Variants in RAPGEF2 observed in about 807,000 individuals in gnomAD.
RAPGEF2 encodes PDZ domain containing guanine nucleotide exchange factor (GEF) 1.
Under a neutral mutation model 186.7 loss-of-function variants are expected in RAPGEF2, and 54 were observed. The observed-to-expected ratio is 0.29, with a 90% CI of 0.23 to 0.36. The LOEUF is 0.36. RAPGEF2 is among the 10% of genes least tolerant of loss of function. RAPGEF2 has a pLI of 1.00. For synonymous variants in RAPGEF2, 712 were observed against 705.9 expected (o/e 1.01, Z -0.14); for missense variants, 1,532 against 2,045.0 (o/e 0.75, Z 4.84).
intron 3 of RAPGEF2, among the ~76,000 whole-genome samples, chr4:159,209,081 G>A (rs1157233261): frequency 2.0e-5 from 3 of 151,346 alleles, no homozygotes; most frequent in African/African-American, 4.9e-5. Context: ...TAGTAGAGAC[G>A]GGGTTTCACC....
At chr4:159,285,222 C>A (rs1760299048) in intron 7 of RAPGEF2, among the ~76,000 whole-genome samples, 1 of 151,988 alleles carries the variant, frequency 6.6e-6, no homozygotes, top group South Asian at 2.1e-4. Flanking sequence ...TTATAAGCAC[C>A]AGAGAATCAC....
chr4:159,286,644 C>T (rs1166356044), intron 7 of RAPGEF2, among the ~76,000 whole-genome samples: 1 of 152,152 alleles, frequency 6.6e-6, no homozygotes, highest in Non-Finnish European at 1.5e-5. Context: ...CACTCTGCTT[C>T]CATTGCTTTG....
At chr4:159,265,889 A>G (rs1183992369) in intron 7 of RAPGEF2, among the ~76,000 whole-genome samples, 1 of 152,232 alleles carries the variant, frequency 6.6e-6, no homozygotes, top group Non-Finnish European at 1.5e-5. Context: ...TGGATTGATC[A>G]TGGACAGAGA....
intron 7 of RAPGEF2, among the ~76,000 whole-genome samples, chr4:159,288,639 T>C (rs1760800578): frequency 6.6e-6 from 1 of 152,160 alleles, no homozygotes; most frequent in South Asian, 2.1e-4. Context: ...AGCCTACTTT[T>C]TGGTAGGCTT....
chr4:159,348,418 C>T (rs1730709921), intron 25 of RAPGEF2, among the ~76,000 whole-genome samples: 1 of 152,178 alleles, frequency 6.6e-6, no homozygotes, highest in African/African-American at 2.4e-5. Flanking sequence ...AGACCCCTCA[C>T]GTACTCTGTA....
chr4:159,224,988 G>A (rs1751879865), intron 4 of RAPGEF2, among the ~76,000 whole-genome samples: 1 of 152,158 alleles, frequency 6.6e-6, no homozygotes, highest in South Asian at 2.1e-4. Context: ...ACCAAATCTG[G>A]AGGGAATGAG....
At chr4:159,273,228 C>T (rs1758340449) in intron 7 of RAPGEF2, among the ~76,000 whole-genome samples, 1 of 152,184 alleles carries the variant, frequency 6.6e-6, no homozygotes, top group South Asian at 2.1e-4. Flanking sequence ...TGAGAGGAAG[C>T]ATATCCTGTT....
At chr4:159,216,998 C>T (rs989290178) in intron 4 of RAPGEF2, among the ~76,000 whole-genome samples, 1 of 151,848 alleles carries the variant, frequency 6.6e-6, no homozygotes, top group Admixed American at 6.6e-5. Flanking sequence ...GTTTAAAAAT[C>T]GCAGGCCTAC....
intron 1 of RAPGEF2, among the ~76,000 whole-genome samples, chr4:159,154,118 C>G (rs1368421327): frequency 6.6e-6 from 1 of 152,104 alleles, no homozygotes; most frequent in African/African-American, 2.4e-5. Flanking sequence ...TTTTCTAGCT[C>G]TAGCATTTTA....
At chr4:159,247,314 A>T (rs1438066411) in intron 7 of RAPGEF2, among the ~76,000 whole-genome samples, 2 of 152,294 alleles carry the variant, frequency 1.3e-5, no homozygotes, top group Non-Finnish European at 2.9e-5. Context: ...TTGCCCTTAC[A>T]ATCTCACAGG....
chr4:159,198,681 A>G (rs1386663247), intron 3 of RAPGEF2, among the ~76,000 whole-genome samples: 1 of 151,622 alleles, frequency 6.6e-6, no homozygotes, highest in Non-Finnish European at 1.5e-5. Flanking sequence ...CCTGACCTCA[A>G]GTGATCCACC....
chr4:159,203,751 G>A (rs541320405), intron 3 of RAPGEF2, among the ~76,000 whole-genome samples: 8 of 152,178 alleles, frequency 5.3e-5, no homozygotes, highest in East Asian at 1.9e-4. Flanking sequence ...AGAGACGATC[G>A]TAAGAGAGGA....
intron 7 of RAPGEF2, among the ~76,000 whole-genome samples, chr4:159,258,254 TTTTG>T (rs1426379026): frequency 2.0e-5 from 3 of 152,168 alleles, no homozygotes; most frequent in Non-Finnish European, 4.4e-5. Flanking sequence ...TAGGTGTGTG[TTTTG>T]TTTGTTTATT....
intron 7 of RAPGEF2, among the ~76,000 whole-genome samples, chr4:159,301,950 A>C (rs969456014): frequency 6.6e-6 from 1 of 152,214 alleles, no homozygotes; most frequent in Non-Finnish European, 1.5e-5. Context: ...TGGAGTTAGG[A>C]ATGTCTTACT....
intron 5 of RAPGEF2, 102 bp downstream of exon 5, chr4:159,238,986 A>G (rs1753623758): frequency 1.7e-6 from 1 of 593,750 alleles, no homozygotes; most frequent in Admixed American, 3.9e-5. Flanking sequence ...TTGAATAGAA[A>G]ATATTGTATA....
chr4:159,325,076 A>G (rs932504153), intron 11 of RAPGEF2, among the ~76,000 whole-genome samples: 22 of 152,166 alleles, frequency 1.4e-4, no homozygotes, highest in African/African-American at 4.6e-4. Context: ...CATTTTAAGC[A>G]TTTTACTTAC....
chr4:159,225,081 AG>A (rs1185415855), intron 4 of RAPGEF2, among the ~76,000 whole-genome samples: 1 of 152,180 alleles, frequency 6.6e-6, no homozygotes, highest in Non-Finnish European at 1.5e-5. Flanking sequence ...TGGGAGCTAC[AG>A]GGGATATAAA....
rs1226019643 is a variant in RAPGEF2, at chr4:159,231,687, A to G, written c.282-7122A>G. ...ATGCTCCAAAACTTGAAATTTTTTG[A>G]GCACTGACATGGTGCTCAAAGGAAA... On this transcript the variant is annotated intron_variant, in intron 4 of 29. Coordinates refer to ENST00000691494, the MANE Select transcript of RAPGEF2 (RefSeq NM_001394067.2). Among the ~76,000 whole-genome samples, 3 of 152,150 alleles carry G rather than the reference A, an allele frequency of 2.0e-5. No homozygotes were observed. In the East Asian group the frequency reaches 5.8e-4, roughly 29 times the overall value.
chr4:159,320,453 A>G (rs1765106279), intron 9 of RAPGEF2, among the ~76,000 whole-genome samples: 1 of 152,214 alleles, frequency 6.6e-6, no homozygotes, highest in Non-Finnish European at 1.5e-5. Flanking sequence ...GTGCTTTGAT[A>G]GTTTAACTTA....
Sources: allele counts gnomAD v4.1 joint callset (sites outside exome capture counted in the v4.1 genomes callset), GRCh38; gene constraint gnomAD v4.1.1; transcripts MANE v1.5; gene names NCBI Gene and HGNC (gene_info 2026-07-23, HGNC 2026-07-21).